CDCA4: variants seen among roughly 807,000 people sequenced by gnomAD.
CDCA4 encodes the protein cell division cycle-associated protein 4.
For missense variants in CDCA4, 294 were observed against 322.1 expected (o/e 0.91, Z 0.67); for synonymous variants, 130 against 137.0 (o/e 0.95, Z 0.36).
At position 105,011,587 on chromosome 14, in the gene CDCA4, G is replaced by A. The variant is rs368022536; in HGVS notation, c.343C>T (p.Pro115Ser). Residue 115 changes from proline to serine, a missense_variant, in exon 2 of 2, where the codon CCT (proline) becomes TCT (serine). Pro to Ser is a moderately conservative substitution (Grantham distance 74). Transcript: ENST00000336219. ...AWGQEGAHPA[P>S]GLGDGHTQGP... The stretch of plus-strand genomic sequence containing the variant: ...TGTGTGTGGCCGTCCCCCAAGCCAG[G>A]AGCAGGATGTGCCCCCTCTTGCCCC... 1.2e-6 allele frequency: 2 copies of A among 1,613,864 alleles called. No homozygotes were observed. The highest frequency in any genetic ancestry group is 2.2e-5 in the East Asian group (1 of 44,892).
chr14:105,019,341 G>C (rs1886165863), intron 1 of CDCA4, among the ~76,000 whole-genome samples: 1 of 152,168 alleles, frequency 6.6e-6, no homozygotes, highest in East Asian at 1.9e-4. Flanking sequence ...ACAGCTCGGG[G>C]ACTGGTCCTT....
rs768754038 is a variant in CDCA4 at position 105,011,863 on chromosome 14, C to T, written c.67G>A (p.Gly23Ser). Residue 23 changes from glycine (G) to serine (S), a missense_variant, in exon 2 of 2, where the codon GGC becomes AGC. By Grantham distance (56) the Gly-to-Ser change is moderately conservative (BLOSUM62 0). Coordinates refer to ENST00000336219, the MANE Select transcript of CDCA4 (RefSeq NM_017955.4). Reference protein sequence around the residue: ...HEEDVEGALAGLKTVSSYSLQ... With the variant: ...HEEDVEGALASLKTVSSYSLQ... Reference sequence around the variant, plus strand: ...CTGTATGAGGACACTGTCTTCAAGCCGGCCAGGGCTCCCTCCACGTCTTCC... The same window carrying T: ...CTGTATGAGGACACTGTCTTCAAGCTGGCCAGGGCTCCCTCCACGTCTTCC... 34 of 1,613,968 alleles carry T rather than the reference C, an allele frequency of 2.1e-5. No homozygotes were observed. Among genetic ancestry groups the T allele is most frequent in the South Asian group, 2.1e-4 (19 of 91,082 alleles).
chr14:105,013,738 T>G (rs1435924175), intron 1 of CDCA4, among the ~76,000 whole-genome samples: 1 of 152,194 alleles, frequency 6.6e-6, no homozygotes, highest in Non-Finnish European at 1.5e-5. Context: ...AGGGTCCCCC[T>G]GTTCTCTGAA....
At chr14:105,017,821 A>C (rs549332055) in intron 1 of CDCA4, among the ~76,000 whole-genome samples, 1 of 151,516 alleles carries the variant, frequency 6.6e-6, no homozygotes, top group Admixed American at 6.6e-5. Flanking sequence ...ACAGAGCGAG[A>C]CTCCGTCTCA....
At chr14:105,012,033 G>A (rs989629329) in intron 1 of CDCA4, 98 bp from the exon 2 acceptor site, 7 of 1,381,472 alleles carry the variant, frequency 5.1e-6, no homozygotes, top group African/African-American at 4.3e-5. Flanking sequence ...TACGCAAGGA[G>A]CAGCGACTCC....
At chr14:105,020,387 G>C (rs1042115122) in intron 1 of CDCA4, among the ~76,000 whole-genome samples, 1 of 152,244 alleles carries the variant, frequency 6.6e-6, no homozygotes, top group Non-Finnish European at 1.5e-5. Context: ...CGGAGCCTTT[G>C]CCACGACGAT....
intron 1 of CDCA4, among the ~76,000 whole-genome samples, chr14:105,012,172 C>T (rs888294569): frequency 2.6e-4 from 39 of 152,174 alleles, no homozygotes; most frequent in African/African-American, 8.9e-4. Flanking sequence ...TTGTTAGAAA[C>T]GACAAACCTC....
intron 1 of CDCA4, among the ~76,000 whole-genome samples, chr14:105,018,009 G>T (rs1040857736): frequency 1.3e-5 from 2 of 152,008 alleles, no homozygotes; most frequent in South Asian, 4.2e-4. Context: ...AATATGTACC[G>T]TAGGATTCTA....
At chr14:105,019,210 A>C (rs1304012949) in intron 1 of CDCA4, among the ~76,000 whole-genome samples, 2 of 152,178 alleles carry the variant, frequency 1.3e-5, no homozygotes, top group Non-Finnish European at 2.9e-5. Flanking sequence ...AGACGGACTG[A>C]GGACATGTCC....
intron 1 of CDCA4, among the ~76,000 whole-genome samples, chr14:105,015,665 C>A (rs1900631794): frequency 6.6e-6 from 1 of 152,228 alleles, no homozygotes; most frequent in Non-Finnish European, 1.5e-5. Context: ...TCTAGGCCAT[C>A]TCACAGGAGC....
chr14:105,013,640 G>C (rs889769447), intron 1 of CDCA4, among the ~76,000 whole-genome samples: 1 of 152,020 alleles, frequency 6.6e-6, no homozygotes, highest in Non-Finnish European at 1.5e-5. Flanking sequence ...TTTGCAGTGC[G>C]GGAGAACTGG....
chr14:105,011,153 T>C lies in CDCA4; in HGVS notation c.*51A>G. ...CAGGCGCACCCTCCGTGGGAGCCAG[T>C]GCTCACGTGTCAATGCGTCAGAGGC... On this transcript the variant is annotated 3_prime_UTR_variant, in exon 2 of 2. Coordinates refer to ENST00000336219, the MANE Select transcript of CDCA4 (RefSeq NM_017955.4). 6.5e-7 allele frequency: 1 copy of C among 1,544,390 alleles called. No homozygotes were observed. Among genetic ancestry groups the C allele is most frequent in the Admixed American group, 1.9e-5 (1 of 51,418 alleles).
At chr14:105,020,320 CA>C (rs1566940649) in intron 1 of CDCA4, among the ~76,000 whole-genome samples, 1 of 152,376 alleles carries the variant, frequency 6.6e-6, no homozygotes, top group East Asian at 1.9e-4. Flanking sequence ...CCGTGCGTCC[CA>C]CACGAAGGCC....
At chr14:105,018,957 G>A (rs1411249073) in intron 1 of CDCA4, among the ~76,000 whole-genome samples, 6 of 151,930 alleles carry the variant, frequency 3.9e-5, no homozygotes, top group Non-Finnish European at 8.8e-5. Flanking sequence ...GGCTGATCTC[G>A]AACTCCTGAA....
chr14:105,012,061 G>A, intron 1 of CDCA4, 126 bp from the exon 2 acceptor site: 1 of 1,121,812 alleles, frequency 8.9e-7, no homozygotes. Context: ...GCAGGGACTT[G>A]ACAGAGCTGT....
chr14:105,020,216 T>C (rs1001179624), intron 1 of CDCA4, among the ~76,000 whole-genome samples: 2 of 152,240 alleles, frequency 1.3e-5, no homozygotes, highest in Admixed American at 1.3e-4. Flanking sequence ...ATAGAGTGGT[T>C]GTACGTAGAA....
Position 105,011,884 on chromosome 14 carries a change from C to T in CDCA4, c.46G>A (p.Asp16Asn). Residue 16 changes from aspartate (D) to asparagine (N), a missense_variant, in exon 2 of 2, where the codon GAC becomes AAC. Transcript: ENST00000336219. ...LKRKCVGHEE[D>N]VEGALAGLKT... ...AAGCCGGCCAGGGCTCCCTCCACGTCTTCCTCGTGGCCAACACATTTCCTC... is the reference window on the plus strand; with the variant it reads ...AAGCCGGCCAGGGCTCCCTCCACGTTTTCCTCGTGGCCAACACATTTCCTC... 1.2e-6 allele frequency: 2 copies of T among 1,613,716 alleles called. No individual in the cohort carries two copies. The highest frequency in any genetic ancestry group is 1.7e-6 in the Non-Finnish European group (2 of 1,179,828).
Position 105,011,332 on chromosome 14 carries a change from C to T in CDCA4, c.598G>A (p.Gly200Arg). 1 of 1,614,198 alleles carries T rather than the reference C, an allele frequency of 6.2e-7. No individual in the cohort carries two copies. The highest frequency in any genetic ancestry group is 1.1e-5 in the South Asian group (1 of 91,084). The change falls in exon 2 of 2, where the codon GGG (glycine) becomes AGG (arginine). Residue 200 changes from glycine (G) to arginine (R), a missense_variant. Physicochemically the swap from Gly to Arg is moderately radical, Grantham distance 125. Coordinates refer to ENST00000336219, the MANE Select transcript of CDCA4 (RefSeq NM_017955.4). The part of the protein sequence containing the change: ...DLDTVLTGMM[G>R]GARPGPCEGL... ...TCGCAGGGGCCCGGCCTGGCACCCCCCATCATGCCTGTCAGTACTGTGTCC... is the reference window on the plus strand; with the variant it reads ...TCGCAGGGGCCCGGCCTGGCACCCCTCATCATGCCTGTCAGTACTGTGTCC...
At position 105,010,487 on chromosome 14, in the gene CDCA4, T is replaced by C. The variant is rs1900470092; in HGVS notation, c.*717A>G. On this transcript the variant is annotated 3_prime_UTR_variant, in exon 2 of 2. Transcript: ENST00000336219. The stretch of plus-strand genomic sequence containing the variant: ...AATAAAATCCTCCATAATTTACTCT[T>C]AGGTCTAGGAAGATGTGGCTGTGTG... 6.6e-6 allele frequency: 1 copy of C among 152,210 alleles called. No individual in the cohort carries two copies. The highest frequency in any genetic ancestry group is 2.4e-5 in the African/African-American group (1 of 41,444). The allele number at this position is 152,210 out of a possible 1,614,324, so 9.4% of individuals were successfully genotyped here.
Sources: allele counts gnomAD v4.1 joint callset (sites outside exome capture counted in the v4.1 genomes callset), GRCh38; gene constraint gnomAD v4.1.1; transcripts MANE v1.5; gene names NCBI Gene and HGNC (gene_info 2026-07-23, HGNC 2026-07-21).